Variants in NCKAP5 observed in about 807,000 individuals in gnomAD.
NCKAP5 encodes nck-associated protein 5.
NCKAP5 carries 92 observed loss-of-function variants against 167.0 expected under a neutral mutation model. That is an observed-to-expected ratio of 0.55 (90% confidence interval 0.47 to 0.66). The LOEUF (loss-of-function observed/expected upper bound fraction) is 0.66. Ranked by LOEUF, NCKAP5 falls within the 30% of genes least tolerant of loss-of-function variation. The pLI, the probability that NCKAP5 is intolerant of heterozygous loss-of-function variation, is 0.00. For missense variants in NCKAP5, 2,378 were observed against 2,315.0 expected (o/e 1.03, Z -0.56); for synonymous variants, 891 against 877.4 (o/e 1.02, Z -0.27).
the NCKAP5 span, among the ~76,000 whole-genome samples, chr2:133,583,173 G>A: frequency 1.2e-4 from 18 of 152,164 alleles, no homozygotes; most frequent in Non-Finnish European, 1.8e-4. Flanking sequence ...CAAATGTCAT[G>A]TTGAAATGTG....
intron 8 of NCKAP5, among the ~76,000 whole-genome samples, chr2:132,918,724 G>A (rs908436544): frequency 7.9e-5 from 12 of 152,182 alleles, no homozygotes; most frequent in African/African-American, 2.9e-4. Flanking sequence ...TCAAAGGACA[G>A]TATAATGTAA....
intron 3 of NCKAP5, among the ~76,000 whole-genome samples, chr2:133,378,338 A>G (rs1230882810): frequency 2.0e-5 from 3 of 152,218 alleles, no homozygotes; most frequent in African/African-American, 7.2e-5. Context: ...TCTGAAAAAA[A>G]CGTATATATG....
the NCKAP5 span, among the ~76,000 whole-genome samples, chr2:133,649,605 C>T: frequency 1.3e-5 from 2 of 152,006 alleles, no homozygotes; most frequent in Admixed American, 6.6e-5. Flanking sequence ...AATTAATGTG[C>T]TACACCACAT....
chr2:133,517,467 G>A lies in NCKAP5; in HGVS notation c.60C>T (p.Ser20=). ...RDFGKRLSLD[S]SLVEYMDSNK... ...AATATTTAGTACTTACCACAAGACT[G>A]CTGTCTAGAGACAGCCTTTTTCCAA... Residue 20 remains serine (S), a synonymous_variant, in exon 3 of 20, where the codon AGC becomes AGT. Coordinates refer to ENST00000409261, the MANE Select transcript of NCKAP5 (RefSeq NM_207363.3). The A allele has an allele frequency of 6.6e-7, 1 of 1,512,728 alleles. No individual in the cohort carries two copies. Among genetic ancestry groups the A allele is most frequent in the South Asian group, 1.3e-5 (1 of 78,010 alleles). The allele number at this position is 1,512,728 out of a possible 1,614,324, so 93.7% of individuals were successfully genotyped here.
the NCKAP5 span, among the ~76,000 whole-genome samples, chr2:133,625,091 G>A: frequency 6.6e-6 from 1 of 152,162 alleles, no homozygotes; most frequent in Non-Finnish European, 1.5e-5. Context: ...GTAATCAATT[G>A]TTGGTATTAC....
intron 19 of NCKAP5, among the ~76,000 whole-genome samples, chr2:132,711,308 G>C (rs1196673420): frequency 1.3e-5 from 2 of 152,290 alleles, no homozygotes; most frequent in East Asian, 1.9e-4. Flanking sequence ...CATCACACCA[G>C]AGCTACACCT....
chr2:133,423,235 G>A (rs991515176), intron 3 of NCKAP5, among the ~76,000 whole-genome samples: 4 of 152,198 alleles, frequency 2.6e-5, no homozygotes, highest in African/African-American at 9.7e-5. Flanking sequence ...CCATTCCAGT[G>A]AAAACTGATG....
intron 7 of NCKAP5, among the ~76,000 whole-genome samples, chr2:132,980,786 T>G (rs1170131045): frequency 6.6e-6 from 1 of 151,962 alleles, no homozygotes; most frequent in East Asian, 1.9e-4. Context: ...AAAAAAAAGG[T>G]AATAAAAATG....
the NCKAP5 span, among the ~76,000 whole-genome samples, chr2:133,574,315 G>A: frequency 6.6e-6 from 1 of 152,186 alleles, no homozygotes. Flanking sequence ...ACGCTAGGAT[G>A]TGATGAGGAG....
chr2:133,137,939 T>G (rs888556497), intron 5 of NCKAP5, among the ~76,000 whole-genome samples: 1 of 152,200 alleles, frequency 6.6e-6, no homozygotes, highest in Non-Finnish European at 1.5e-5. Context: ...CCTTTCCCCA[T>G]TGGCTGAGGT....
At chr2:133,380,256 G>T (rs1372458810) in intron 3 of NCKAP5, among the ~76,000 whole-genome samples, 1 of 152,076 alleles carries the variant, frequency 6.6e-6, no homozygotes, top group Non-Finnish European at 1.5e-5. Context: ...GGTAGAGTTT[G>T]GGAGAAGATT....
chr2:133,429,529 C>G (rs114171741), intron 3 of NCKAP5, among the ~76,000 whole-genome samples: 3,627 of 152,084 alleles, frequency 0.024, 76 homozygotes, highest in Non-Finnish European at 0.037. Flanking sequence ...TCTGTGTGCC[C>G]CCCAGATTTA....
chr2:133,502,055 C>G (rs537098204), intron 3 of NCKAP5, among the ~76,000 whole-genome samples: 1 of 152,318 alleles, frequency 6.6e-6, no homozygotes, highest in South Asian at 2.1e-4. Context: ...GCCTCGCTTG[C>G]TGTGATAATT....
At chr2:133,405,245 T>C (rs1688349894) in intron 3 of NCKAP5, among the ~76,000 whole-genome samples, 2 of 152,218 alleles carry the variant, frequency 1.3e-5, no homozygotes, top group Admixed American at 1.3e-4. Flanking sequence ...ACACTTTATT[T>C]AGCATAGAAA....
intron 4 of NCKAP5, among the ~76,000 whole-genome samples, chr2:133,231,277 G>A (rs2087134902): frequency 6.6e-6 from 1 of 152,140 alleles, no homozygotes; most frequent in Admixed American, 6.5e-5. Flanking sequence ...TCTTTCCAGG[G>A]ATGACTGTGT....
chr2:133,042,113 A>G (rs919851628), intron 6 of NCKAP5, among the ~76,000 whole-genome samples: 4 of 152,308 alleles, frequency 2.6e-5, no homozygotes, highest in Admixed American at 2.0e-4. Flanking sequence ...CATGGATTTG[A>G]CTGAGTTTTT....
At chr2:133,110,839 A>G (rs1007531892) in intron 6 of NCKAP5, among the ~76,000 whole-genome samples, 1 of 152,148 alleles carries the variant, frequency 6.6e-6, no homozygotes, top group African/African-American at 2.4e-5. Flanking sequence ...ATTTTTTCAC[A>G]GTTCTAGAGG....
At chr2:133,207,091 C>G (rs1488518204) in intron 5 of NCKAP5, among the ~76,000 whole-genome samples, 2 of 152,034 alleles carry the variant, frequency 1.3e-5, no homozygotes, top group African/African-American at 4.8e-5. Flanking sequence ...TCTTTATTGC[C>G]CTTTGAAGCA....
At chr2:133,148,153 G>A (rs1393819747) in intron 5 of NCKAP5, among the ~76,000 whole-genome samples, 1 of 152,104 alleles carries the variant, frequency 6.6e-6, no homozygotes, top group East Asian at 1.9e-4. Context: ...CTCTGAAAGT[G>A]GTGTTCTGGA....
Sources: allele counts gnomAD v4.1 joint callset (sites outside exome capture counted in the v4.1 genomes callset), GRCh38; gene constraint gnomAD v4.1.1; transcripts MANE v1.5; gene names NCBI Gene and HGNC (gene_info 2026-07-23, HGNC 2026-07-21).